Variants in TBC1D5 observed in about 807,000 individuals in gnomAD.
TBC1D5 encodes the protein TBC1 domain family, member 5.
A neutral mutation model predicts 100.3 loss-of-function variants in TBC1D5; 75 were observed. The observed-to-expected ratio is 0.75, with a 90% CI of 0.62 to 0.91. The LOEUF is 0.91. TBC1D5 is among the 40% of genes least tolerant of loss of function. The pLI is 0.00. For synonymous variants in TBC1D5, 323 were observed against 325.6 expected, an observed-to-expected ratio of 0.99 and a Z score of 0.09; for missense variants, 910 against 942.4, an observed-to-expected ratio of 0.97 and a Z score of 0.45.
At chr3:17,238,290 G>A (rs1319978577) in exon 17 of TBC1D5, 2 of 1,613,930 alleles carry the variant, frequency 1.2e-6, no homozygotes, top group Non-Finnish European at 1.7e-6. Flanking sequence ...AGGAGCTACT[G>A]CTGTTGCCTC....
chr3:17,741,453 T>C (rs1369945039), upstream of TBC1D5, among the ~76,000 whole-genome samples: 2 of 152,270 alleles, frequency 1.3e-5, no homozygotes, highest in Non-Finnish European at 2.9e-5. Context: ...TATTGCTTCC[T>C]GCTTTAAGTA....
chr3:17,669,360 A>C (rs1164971280), intron 1 of TBC1D5, among the ~76,000 whole-genome samples: 1 of 152,206 alleles, frequency 6.6e-6, no homozygotes, highest in Non-Finnish European at 1.5e-5. Context: ...GAATGGACTA[A>C]TACAACGACA....
intron 1 of TBC1D5, among the ~76,000 whole-genome samples, chr3:17,643,805 T>C (rs1156298798): frequency 1.3e-5 from 2 of 152,142 alleles, no homozygotes; most frequent in Non-Finnish European, 2.9e-5. Context: ...TTTTGTTTTA[T>C]ATAATTGTAG....
At chr3:17,541,628 ATC>A (rs1161731787) in intron 2 of TBC1D5, among the ~76,000 whole-genome samples, 1 of 152,188 alleles carries the variant, frequency 6.6e-6, no homozygotes, top group Non-Finnish European at 1.5e-5. Flanking sequence ...ACTACATATC[ATC>A]TGTGAACAGA....
chr3:17,308,829 T>C (rs557437223), intron 13 of TBC1D5, among the ~76,000 whole-genome samples: 45 of 152,206 alleles, frequency 3.0e-4, no homozygotes, highest in African/African-American at 1.1e-3. Context: ...AGAGTAAACA[T>C]AAGCAGCTAA....
chr3:17,339,619 G>A lies in TBC1D5; in HGVS notation c.996-31485C>T, dbSNP rs148315095. Among the ~76,000 whole-genome samples the A allele has an allele frequency of 2.6e-3, 396 of 152,230 alleles. 2 individuals are homozygous for A. Among genetic ancestry groups the A allele is most frequent in the Middle Eastern group, 3.4e-3 (1 of 294 alleles). ...CAGTAATTAAGAGAAACTAATTTTCGTATACTGATATATAGAAATCTATAA... is the reference window on the plus strand; with the variant it reads ...CAGTAATTAAGAGAAACTAATTTTCATATACTGATATATAGAAATCTATAA... On this transcript the variant is annotated intron_variant, in intron 13 of 21. Coordinates refer to ENST00000253692, the Ensembl canonical transcript of TBC1D5.
intron 2 of TBC1D5, among the ~76,000 whole-genome samples, chr3:17,591,251 A>C (rs1241742531): frequency 5.0e-5 from 7 of 139,992 alleles, no homozygotes; most frequent in African/African-American, 1.1e-4. Flanking sequence ...AAAAAAAAAA[A>C]AAAAAAAAAA....
intron 1 of TBC1D5, among the ~76,000 whole-genome samples, chr3:17,672,863 A>G (rs1032502781): frequency 1.3e-5 from 2 of 152,216 alleles, no homozygotes; most frequent in African/African-American, 4.8e-5. Context: ...AGCCCTACAG[A>G]GCTCCATGAA....
intron 2 of TBC1D5, among the ~76,000 whole-genome samples, chr3:17,543,373 C>T (rs1325167322): frequency 6.6e-6 from 1 of 152,166 alleles, no homozygotes; most frequent in African/African-American, 2.4e-5. Context: ...TGGCTCACAC[C>T]TGTAATCCCA....
chr3:17,723,695 C>T (rs374015140), intron 1 of TBC1D5, among the ~76,000 whole-genome samples: 1 of 152,070 alleles, frequency 6.6e-6, no homozygotes, highest in African/African-American at 2.4e-5. Context: ...ATGAACCACA[C>T]AGCCTACAAA....
At chr3:17,385,834 G>T (rs568561492) in intron 8 of TBC1D5, among the ~76,000 whole-genome samples, 1 of 152,046 alleles carries the variant, frequency 6.6e-6, no homozygotes, top group South Asian at 2.1e-4. Context: ...CCCTATCCAG[G>T]AATCAGAGTT....
At chr3:17,304,938 TTTAG>T (rs2083257599) in intron 14 of TBC1D5, among the ~76,000 whole-genome samples, 1 of 152,214 alleles carries the variant, frequency 6.6e-6, no homozygotes, top group Non-Finnish European at 1.5e-5. Flanking sequence ...TTTGTTTTTA[TTTAG>T]TTATCTTTTC....
intron 3 of TBC1D5, among the ~76,000 whole-genome samples, chr3:17,442,203 G>C (rs1214408232): frequency 1.3e-5 from 2 of 152,192 alleles, no homozygotes; most frequent in African/African-American, 2.4e-5. Context: ...GTGATCTCGA[G>C]AGTGTGGAAA....
At chr3:17,731,508 A>C (rs1194334422) in intron 1 of TBC1D5, among the ~76,000 whole-genome samples, 2 of 150,950 alleles carry the variant, frequency 1.3e-5, no homozygotes, top group Admixed American at 6.6e-5. Flanking sequence ...CTGTCTCAAA[A>C]AAAAAAAAAA....
intron 1 of TBC1D5, among the ~76,000 whole-genome samples, chr3:17,676,535 T>A (rs955161836): frequency 4.6e-5 from 7 of 152,112 alleles, no homozygotes; most frequent in African/African-American, 1.4e-4. Flanking sequence ...TTCCATGCTC[T>A]TGGATAGGAA....
chr3:17,243,068 C>T (rs1050067218), intron 16 of TBC1D5, among the ~76,000 whole-genome samples: 1 of 152,130 alleles, frequency 6.6e-6, no homozygotes, highest in Admixed American at 6.6e-5. Flanking sequence ...CTAGCACCCA[C>T]CAAGTGTTAC....
intron 3 of TBC1D5, among the ~76,000 whole-genome samples, chr3:17,493,411 T>C (rs1263231980): frequency 6.6e-6 from 1 of 152,152 alleles, no homozygotes; most frequent in Non-Finnish European, 1.5e-5. Context: ...CTGATGATTA[T>C]GTCTTGGGGT....
intron 3 of TBC1D5, among the ~76,000 whole-genome samples, chr3:17,480,868 C>T (rs560266393): frequency 1.4e-4 from 21 of 152,218 alleles, no homozygotes; most frequent in Non-Finnish European, 2.1e-4. Flanking sequence ...TCCAGTTGTC[C>T]GTGTACCTCA....
At chr3:17,726,660 G>C (rs1372339970) in intron 1 of TBC1D5, among the ~76,000 whole-genome samples, 2 of 152,106 alleles carry the variant, frequency 1.3e-5, no homozygotes, top group Non-Finnish European at 2.9e-5. Context: ...CCATTCTGTA[G>C]GTTGTCTGTT....
Sources: allele counts gnomAD v4.1 joint callset (sites outside exome capture counted in the v4.1 genomes callset), GRCh38; gene constraint gnomAD v4.1.1; transcripts MANE v1.5; gene names NCBI Gene and HGNC (gene_info 2026-07-23, HGNC 2026-07-21).